The following XDH variants were observed in gnomAD, a reference collection of about 807,000 sequenced individuals.
XDH encodes xanthine dehydrogenase/oxidase.
In XDH, 138 loss-of-function variants were observed where a neutral mutation model predicts 156.1. That is an observed-to-expected ratio of 0.88 (90% CI 0.77 to 1.02). The LOEUF is 1.02. Among genes scored for constraint, XDH ranks in the 50% least tolerant of loss-of-function variants. The pLI, the probability that XDH is intolerant of heterozygous loss-of-function variation, is 0.00. For synonymous variants in XDH, 669 were observed against 625.7 expected (o/e 1.07, Z -1.03); for missense variants, 1,849 against 1,684.9 (o/e 1.10, Z -1.71).
chr2:31,398,591 T>A lies in XDH; in HGVS notation c.415A>T (p.Ile139Phe). The A allele has an allele frequency of 6.2e-7, 1 of 1,614,084 alleles. No individual in the cohort carries two copies. The highest frequency in any genetic ancestry group is 8.5e-7 in the Non-Finnish European group (1 of 1,179,974). The change falls in exon 5 of 36, where the codon ATT (isoleucine) becomes TTT (phenylalanine). Residue 139 changes from isoleucine (I) to phenylalanine (F), a missense_variant. Physicochemically the swap from Ile to Phe is conservative, Grantham distance 21 (BLOSUM62 0). Coordinates refer to ENST00000379416, the MANE Select transcript of XDH (RefSeq NM_000379.4). ...CCCATACCTTGGAAGGCATTCTCAA[T>A]CTCCTCCATGGTGGGCTCGGGCTGA... ...RNQPEPTMEE[I>F]ENAFQGNLCR...
In XDH at chr2:31,364,670, C is replaced by G. The variant is rs537060667; in HGVS notation, c.2545-426G>C. Among the ~76,000 whole-genome samples the G allele has an allele frequency of 5.3e-5, 8 of 152,294 alleles. 1 individual carries two copies. In the East Asian group the frequency reaches 1.5e-3, roughly 29 times the overall value. ...CAAAAAGTTTCATTTCACAGGAGCA[C>G]GCAAATCCTTGACCTTATGTACACT... On this transcript the variant is annotated intron_variant, in intron 23 of 35. Transcript: ENST00000379416.
At chr2:31,391,306 C>G (rs1393306563) in intron 6 of XDH, among the ~76,000 whole-genome samples, 1 of 152,134 alleles carries the variant, frequency 6.6e-6, no homozygotes, top group Non-Finnish European at 1.5e-5. Context: ...TTTCTGGGCT[C>G]TCTATTCTGT....
chr2:31,344,722 G>C lies in XDH; in HGVS notation c.3366C>G (p.Tyr1122Ter). 6.2e-7 allele frequency: 1 copy of C among 1,614,160 alleles called. No homozygotes were observed. The highest frequency in any genetic ancestry group is 8.5e-7 in the Non-Finnish European group (1 of 1,180,026). The part of the protein sequence containing the change: ...GSWEDWVTAA[Y>*]MDTVSLSATG... ...TGGCAGACAAGCTCACTGTGTCCAT[G>C]TAGGCAGCTGTGACCTGAGGAGAGG... The change falls in exon 31 of 36, where the codon TAC (tyrosine) becomes TAG (stop). Residue 1122 changes from tyrosine (Y) to a stop codon, truncating the protein, a stop_gained. Coordinates refer to ENST00000379416, the MANE Select transcript of XDH (RefSeq NM_000379.4). LOFTEE classifies it high-confidence loss of function.
At chr2:31,354,904 A>C (rs886204233) in intron 24 of XDH, among the ~76,000 whole-genome samples, 3 of 152,242 alleles carry the variant, frequency 2.0e-5, no homozygotes, top group Non-Finnish European at 4.4e-5. Context: ...CCAAGGTTTC[A>C]AGATATGTAA....
At chr2:31,389,239 G>A (rs140194771) in intron 6 of XDH, among the ~76,000 whole-genome samples, 11 of 152,338 alleles carry the variant, frequency 7.2e-5, no homozygotes, top group South Asian at 2.1e-4. Context: ...TTCACAACTC[G>A]TTGTCTTCTG....
At chr2:31,370,165 CA>C (rs1686034538) in intron 18 of XDH, among the ~76,000 whole-genome samples, 189 bp downstream of exon 18, 1 of 152,212 alleles carries the variant, frequency 6.6e-6, no homozygotes, top group Admixed American at 6.5e-5. Context: ...GTACAAACAG[CA>C]GCCATCAATT....
intron 5 of XDH, 21 bp from the exon 6 acceptor site, chr2:31,397,750 T>C: frequency 6.2e-7 from 1 of 1,614,124 alleles, no homozygotes. Flanking sequence ...AGGAAAAAAC[T>C]GCAATGTCAG....
chr2:31,381,675 C>A lies in XDH; in HGVS notation c.1090G>T (p.Val364Leu). The A allele has an allele frequency of 6.2e-7, 1 of 1,614,086 alleles. No individual in the cohort carries two copies. Among genetic ancestry groups the A allele is most frequent in the Non-Finnish European group, 8.5e-7 (1 of 1,180,014 alleles). The change falls in exon 12 of 36, where the codon GTG becomes TTG. Residue 364 changes from valine (V) to leucine (L), a missense_variant. Physicochemically the swap from Val to Leu is conservative, Grantham distance 32. Coordinates refer to ENST00000379416, the MANE Select transcript of XDH (RefSeq NM_000379.4). The part of the protein sequence containing the change: ...TASPISDLNP[V>L]FMASGAKLTL... ...AGCTTGGCCCCACTGGCCATGAACACGGGGTTGAGGTCGGAGATGGGGCTG... is the reference window on the plus strand; with the variant it reads ...AGCTTGGCCCCACTGGCCATGAACAAGGGGTTGAGGTCGGAGATGGGGCTG...
chr2:31,353,005 G>C (rs1216814360), intron 24 of XDH, among the ~76,000 whole-genome samples: 2 of 148,634 alleles, frequency 1.3e-5, no homozygotes, highest in Non-Finnish European at 3.0e-5. Context: ...ATAAGCATGA[G>C]CCACCGCACC....
Position 31,411,297 on chromosome 2 carries a change from A to G in XDH, c.42+3328T>C, listed in dbSNP as rs2148014787. On this transcript the variant is annotated intron_variant, in intron 1 of 35. Coordinates refer to ENST00000379416, the MANE Select transcript of XDH (RefSeq NM_000379.4). ...CCCTGTCTCAGGAAAAAAAAAAAAA[A>G]AAAGAATATATTTATTCTTAGGATA... 1.3e-5 allele frequency among the ~76,000 whole-genome samples: 2 copies of G among 151,874 alleles called. 1 individual carries two copies. Among genetic ancestry groups the G allele is most frequent in the South Asian group, 4.1e-4 (2 of 4,820 alleles).
intron 12 of XDH, among the ~76,000 whole-genome samples, chr2:31,380,576 G>A (rs1234024218): frequency 6.6e-6 from 1 of 152,220 alleles, no homozygotes; most frequent in Non-Finnish European, 1.5e-5. Context: ...GGTAGGCAAG[G>A]CATCACTTGT....
intron 24 of XDH, among the ~76,000 whole-genome samples, chr2:31,357,048 A>T (rs1685644083): frequency 6.6e-6 from 1 of 152,200 alleles, no homozygotes; most frequent in Admixed American, 6.5e-5. Flanking sequence ...ATACAAGAAA[A>T]AAATGAAATA....
At chr2:31,359,165 G>A (rs1191561418) in intron 24 of XDH, among the ~76,000 whole-genome samples, 2 of 151,958 alleles carry the variant, frequency 1.3e-5, no homozygotes. Context: ...CTGAGGATGT[G>A]GAATCCCTAA....
At chr2:31,411,054 G>A (rs1254074574) in intron 1 of XDH, among the ~76,000 whole-genome samples, 1 of 152,116 alleles carries the variant, frequency 6.6e-6, no homozygotes, top group East Asian at 1.9e-4. Flanking sequence ...GGAGGCCGAG[G>A]TGGGTGGATC....
At chr2:31,357,189 A>G (rs1685647061) in intron 24 of XDH, among the ~76,000 whole-genome samples, 1 of 152,208 alleles carries the variant, frequency 6.6e-6, no homozygotes, top group African/African-American at 2.4e-5. Context: ...TCAAGAACCT[A>G]GAAAAAGAGA....
intron 6 of XDH, among the ~76,000 whole-genome samples, chr2:31,388,816 A>C (rs2147995443): frequency 6.6e-6 from 1 of 152,294 alleles, no homozygotes; most frequent in Middle Eastern, 3.4e-3. Context: ...TGGCCTCCCT[A>C]CTGCTTATTA....
intron 6 of XDH, among the ~76,000 whole-genome samples, chr2:31,395,033 T>C (rs1033105805): frequency 8.5e-5 from 13 of 152,266 alleles, no homozygotes; most frequent in Admixed American, 5.9e-4. Flanking sequence ...TATTTGACTC[T>C]GGTTCTGCTG....
intron 18 of XDH, 130 bp from the exon 19 acceptor site, chr2:31,368,790 G>A: frequency 6.5e-7 from 1 of 1,543,884 alleles, no homozygotes. Context: ...AATGCCCTAG[G>A]GCCTCTTAAT....
At chr2:31,367,030 A>C in intron 20 of XDH, 36 bp from the exon 21 acceptor site, 3 of 1,613,900 alleles carry the variant, frequency 1.9e-6, no homozygotes, top group Non-Finnish European at 2.5e-6. Flanking sequence ...AGTGAGCCCA[A>C]TGCTGCAGAA....
Sources: gnomAD v4.1 joint callset for allele counts (sites outside exome capture counted in the v4.1 genomes callset) on GRCh38, gnomAD v4.1.1 for gene constraint, MANE v1.5 for transcripts, NCBI Gene and HGNC (gene_info 2026-07-23, HGNC 2026-07-21) for gene names.